The following HNRNPH1 variants were observed in gnomAD, a reference collection of about 807,000 sequenced individuals.
The protein encoded by HNRNPH1 is heterogeneous nuclear ribonucleoprotein H1.
A neutral mutation model predicts 58.6 loss-of-function variants in HNRNPH1; 4 were observed. The observed-to-expected ratio is 0.07, with a 90% CI of 0.03 to 0.16. The LOEUF is 0.16. Ranked by LOEUF, HNRNPH1 falls within the 10% of genes least tolerant of loss-of-function variation. The pLI is 1.00. For synonymous variants in HNRNPH1, 192 were observed against 189.2 expected, an observed-to-expected ratio of 1.01 and a Z score of -0.12; for missense variants, 271 against 564.2, an observed-to-expected ratio of 0.48 and a Z score of 5.26.
chr5:179,618,405 A>G, intron 4 of HNRNPH1, 82 bp from the exon 6 acceptor site: 2 of 951,224 alleles, frequency 2.1e-6, no homozygotes, highest in Non-Finnish European at 3.1e-6. Context: ...GTTATACAAG[A>G]AAACAATCTA....
chr5:179,624,095 A>G (rs1302197112), exon 1 of HNRNPH1: 2 of 161,082 alleles, frequency 1.2e-5, no homozygotes, highest in South Asian at 4.1e-4. Flanking sequence ...CCAGGCTCTT[A>G]CCGGCGCGCT....
chr5:179,620,413 C>A (rs569127902), intron 3 of HNRNPH1, among the ~76,000 whole-genome samples: 6 of 152,344 alleles, frequency 3.9e-5, no homozygotes, highest in Non-Finnish European at 5.9e-5. Flanking sequence ...TTATACCACA[C>A]AGGTTAAACC....
chr5:179,628,118 C>A (rs1327419668), upstream of HNRNPH1, among the ~76,000 whole-genome samples: 1 of 151,648 alleles, frequency 6.6e-6, no homozygotes, highest in South Asian at 2.1e-4. Context: ...CCACTGCACC[C>A]GGCCTATGAT....
chr5:179,616,261 T>G lies in HNRNPH1; in HGVS notation c.1208-43A>C, dbSNP rs1053613506. 2.7e-6 allele frequency: 4 copies of G among 1,461,330 alleles called. No homozygotes were observed. The African/African-American group carries it at 4.2e-5, about 15-fold the overall frequency. The allele number at this position is 1,461,330 out of a possible 1,614,324, so 90.5% of individuals were successfully genotyped here. A position where few individuals can be genotyped will look rare whatever the true frequency, so the allele number is the denominator to read the frequency against. On this transcript the variant is annotated intron_variant, in intron 10 of 12. Coordinates refer to ENST00000356731, the Ensembl canonical transcript of HNRNPH1. The stretch of plus-strand genomic sequence containing the variant: ...CATTAGAACCTTTTTTCTTATGTGA[T>G]GTGGTACCTGGTGGTACCGGGCTTG...
At chr5:179,619,477 C>CTTATA in intron 3 of HNRNPH1, 70 bp from the exon 5 acceptor site, 1 of 1,442,884 alleles carries the variant, frequency 6.9e-7, no homozygotes, top group South Asian at 1.3e-5. Flanking sequence ...AATGATTCTT[C>CTTATA]TTATAGCTTT....
At chr5:179,630,843 A>G (rs948939358) in intron 2 of HNRNPH1, among the ~76,000 whole-genome samples, 1 of 150,954 alleles carries the variant, frequency 6.6e-6, no homozygotes, top group South Asian at 2.1e-4. Context: ...CCCGGGAGGC[A>G]GAGCTTGCAG....
intron 1 of HNRNPH1, chr5:179,621,739 C>T (rs1383674822): frequency 1.1e-5 from 4 of 379,096 alleles, no homozygotes; most frequent in Admixed American, 3.9e-5. Flanking sequence ...GGCAAACATA[C>T]TTCGTTGCGA....
At position 179,620,645 on chromosome 5, in the gene HNRNPH1, A is replaced by C. The variant is rs1771906347; in HGVS notation, c.397+247T>G. 7.0e-6 allele frequency: 3 copies of C among 425,856 alleles called. No homozygotes were observed. In the Admixed American group the frequency reaches 1.2e-4, roughly 17 times the overall value. The allele number at this position is 425,856 out of a possible 1,614,324, so 26.4% of individuals were successfully genotyped here. ...GAAAGTAGTTAAGCTGTTGAGGGCA[A>C]TCCTCAATGAAAGATCTACTCTGAA... On this transcript the variant is annotated intron_variant, in intron 3 of 12. Coordinates refer to ENST00000356731, the Ensembl canonical transcript of HNRNPH1.
chr5:179,619,073 A>C, intron 4 of HNRNPH1, 196 bp downstream of exon 5: 1 of 471,994 alleles, frequency 2.1e-6, no homozygotes, highest in South Asian at 3.5e-5. Context: ...CAAGCAGACC[A>C]ATTAACTAGG....
chr5:179,618,768 T>C (rs1188226637), intron 4 of HNRNPH1: 3 of 161,966 alleles, frequency 1.9e-5, no homozygotes, highest in Non-Finnish European at 4.0e-5. Flanking sequence ...AGAATCAGCA[T>C]AGGTAAGCGC....
chr5:179,616,406 T>C (rs1399785126), intron 10 of HNRNPH1, 188 bp from the exon 12 acceptor site: 14 of 601,224 alleles, frequency 2.3e-5, no homozygotes, highest in Non-Finnish European at 3.6e-5. Flanking sequence ...AGTCAAATAT[T>C]GATAAACCAA....
At chr5:179,626,679 GC>G (rs1459783681), upstream of HNRNPH1, among the ~76,000 whole-genome samples, 1 of 148,132 alleles carries the variant, frequency 6.8e-6, no homozygotes, top group Non-Finnish European at 1.5e-5. Flanking sequence ...TTGCACCACT[GC>G]ACTCCTGCCT....
intron 4 of HNRNPH1, 143 bp from the exon 6 acceptor site, chr5:179,618,466 C>A: frequency 3.8e-6 from 2 of 533,170 alleles, no homozygotes; most frequent in South Asian, 3.1e-5. Flanking sequence ...CTTATATTTG[C>A]ATAGGCAATG....
chr5:179,616,817 G>A, intron 10 of HNRNPH1, 52 bp downstream of exon 11: 1 of 1,385,646 alleles, frequency 7.2e-7, no homozygotes, highest in Non-Finnish European at 1.0e-6. Flanking sequence ...ACTTATAATT[G>A]ACTTATACAG....
At chr5:179,629,700 TTA>T (rs1483329594) in intron 2 of HNRNPH1, among the ~76,000 whole-genome samples, 1 of 152,240 alleles carries the variant, frequency 6.6e-6, no homozygotes, top group African/African-American at 2.4e-5. Flanking sequence ...GTTATAGCCA[TTA>T]TAATTATATT....
chr5:179,622,685 T>A (rs531681263), intron 1 of HNRNPH1, among the ~76,000 whole-genome samples: 62 of 152,186 alleles, frequency 4.1e-4, no homozygotes, highest in African/African-American at 1.4e-3. Context: ...CACTCCAGCT[T>A]GGGTGACAGA....
Position 179,621,519 on chromosome 5 carries a change from C to T in HNRNPH1, c.98-122G>A, listed in dbSNP as rs1244059565. Reference sequence around the variant, plus strand: ...ACATAACTTGTGAAGCCTATATATACTGACCACGATATTACCAACTCCTAA... The same window carrying T: ...ACATAACTTGTGAAGCCTATATATATTGACCACGATATTACCAACTCCTAA... On this transcript the variant is annotated intron_variant, in intron 1 of 12. Transcript: ENST00000356731. The T allele has an allele frequency of 3.9e-6, 3 of 768,520 alleles. No individual in the cohort carries two copies. In the African/African-American group the frequency reaches 5.3e-5, roughly 14 times the overall value. 47.6% of individuals were successfully genotyped at this position (768,520 alleles called of 1,614,324 possible).
rs190683747 is a variant in HNRNPH1, at chr5:179,631,259, T to C, written c.-32+2806A>G. 1.2e-4 allele frequency among the ~76,000 whole-genome samples: 18 copies of C among 151,754 alleles called. No homozygotes were observed. In the East Asian group the frequency reaches 3.3e-3, roughly 28 times the overall value. The stretch of plus-strand genomic sequence containing the variant: ...ATTAAAATATCATGTGGTGGGAAAC[T>C]AGGAAAAAAGATCTAGAAAGGATCT... On this transcript the variant is annotated intron_variant, in intron 2 of 4. Transcript: ENST00000521116.
intron 2 of HNRNPH1, among the ~76,000 whole-genome samples, chr5:179,633,441 A>G (rs975533899): frequency 1.8e-4 from 25 of 137,286 alleles, no homozygotes; most frequent in African/African-American, 3.9e-4. Context: ...GACTACAGGC[A>G]CCCGCCCCAC....
Sources: gnomAD v4.1 joint callset for allele counts (sites outside exome capture counted in the v4.1 genomes callset) on GRCh38, gnomAD v4.1.1 for gene constraint, MANE v1.5 for transcripts, NCBI Gene and HGNC (gene_info 2026-07-23, HGNC 2026-07-21) for gene names.